PHF24: variants seen among roughly 807,000 people sequenced by gnomAD.
PHF24 encodes PHD finger protein 24, also known as Galpha inhibitory interacting protein.
PHF24 carries 25 observed loss-of-function variants against 42.6 expected under a neutral mutation model. The observed-to-expected ratio is 0.59, with a 90% CI of 0.43 to 0.82. The LOEUF (loss-of-function observed/expected upper bound fraction) is 0.82. PHF24 is among the 40% of genes least tolerant of loss of function. The probability of loss-of-function intolerance (pLI) is 0.00; values close to 1 mark genes in which losing one functional copy is unlikely to be tolerated. For missense variants in PHF24, 470 were observed against 538.1 expected (o/e 0.87, Z 1.25); for synonymous variants, 185 against 204.8 (o/e 0.90, Z 0.83).
the PHF24 span, among the ~76,000 whole-genome samples, chr9:34,760,461 G>A: frequency 3.9e-5 from 6 of 152,200 alleles, 1 homozygote; most frequent in Non-Finnish European, 8.8e-5. Context: ...TAGTTGCTGC[G>A]ACTCAGCGGC....
At chr9:34,822,551 G>A in the PHF24 span, among the ~76,000 whole-genome samples, 5 of 152,140 alleles carry the variant, frequency 3.3e-5, no homozygotes, top group East Asian at 3.9e-4. Context: ...TTCTCATTCC[G>A]TACTTCCAAG....
At chr9:34,832,941 G>A in the PHF24 span, 8 of 1,551,736 alleles carry the variant, frequency 5.2e-6, no homozygotes, top group Middle Eastern at 1.7e-4. Flanking sequence ...AGCTGTGGGA[G>A]CTTAAACTGA....
the PHF24 span, among the ~76,000 whole-genome samples, chr9:34,750,372 C>G: frequency 6.6e-6 from 1 of 151,948 alleles, no homozygotes; most frequent in East Asian, 1.9e-4. Context: ...TGCCTGTAGT[C>G]CCAGCTACTT....
the PHF24 span, among the ~76,000 whole-genome samples, chr9:34,856,769 A>G: frequency 1.8e-4 from 27 of 152,328 alleles, no homozygotes; most frequent in Admixed American, 1.5e-3. Context: ...GGGATCAGGG[A>G]CCTGCTTAAA....
chr9:34,928,035 G>A, the PHF24 span, among the ~76,000 whole-genome samples: 1 of 152,028 alleles, frequency 6.6e-6, no homozygotes, highest in Non-Finnish European at 1.5e-5. Context: ...GGCCAACATG[G>A]TGAAACCTTG....
At chr9:34,711,160 G>T in the PHF24 span, among the ~76,000 whole-genome samples, 1 of 151,986 alleles carries the variant, frequency 6.6e-6, no homozygotes, top group Middle Eastern at 3.4e-3. Context: ...CATTGACATA[G>T]ATTTATAATT....
the PHF24 span, among the ~76,000 whole-genome samples, chr9:34,772,525 G>T: frequency 1.7e-4 from 26 of 152,130 alleles, no homozygotes; most frequent in African/African-American, 5.8e-4. Context: ...TATAAAAAAT[G>T]ATTAAAGAAG....
chr9:34,977,574 A>G (rs778119176), exon 7 of PHF24: 1 of 1,609,928 alleles, frequency 6.2e-7, no homozygotes, highest in Non-Finnish European at 8.5e-7. Flanking sequence ...CATCGCAGAT[A>G]GCAGCCCAGC....
At chr9:34,721,984 T>A in the PHF24 span, among the ~76,000 whole-genome samples, 1 of 152,196 alleles carries the variant, frequency 6.6e-6, no homozygotes. Context: ...TACTTTCCAG[T>A]TTCTTAACAT....
chr9:34,793,899 A>AT, the PHF24 span, among the ~76,000 whole-genome samples: 1 of 150,026 alleles, frequency 6.7e-6, no homozygotes, highest in Non-Finnish European at 1.5e-5. Flanking sequence ...AACCCCTGTT[A>AT]TTTTTTTTCT....
chr9:34,831,487 C>T, the PHF24 span, among the ~76,000 whole-genome samples: 6 of 152,046 alleles, frequency 3.9e-5, no homozygotes, highest in Non-Finnish European at 7.4e-5. Flanking sequence ...GGTTCTTTCC[C>T]AGAAACTTCA....
the PHF24 span, among the ~76,000 whole-genome samples, chr9:34,669,698 G>A: frequency 6.6e-5 from 10 of 152,162 alleles, no homozygotes; most frequent in Non-Finnish European, 1.0e-4. Flanking sequence ...CATTTTCTAC[G>A]TTCAGAAACT....
the PHF24 span, among the ~76,000 whole-genome samples, chr9:34,850,189 C>A: frequency 6.9e-4 from 105 of 152,296 alleles, no homozygotes; most frequent in Non-Finnish European, 1.2e-4. Context: ...TAATATCCTG[C>A]AGAGTGTTTT....
At chr9:34,863,731 A>G in the PHF24 span, among the ~76,000 whole-genome samples, 4 of 152,222 alleles carry the variant, frequency 2.6e-5, no homozygotes, top group Non-Finnish European at 2.9e-5. Flanking sequence ...TTCAATACCG[A>G]GACACCAACA....
the PHF24 span, among the ~76,000 whole-genome samples, chr9:34,702,526 C>T: frequency 6.6e-6 from 1 of 152,234 alleles, no homozygotes; most frequent in South Asian, 2.1e-4. Context: ...TTTTAGTTTG[C>T]TGCCTACTGA....
At chr9:34,823,358 A>T in the PHF24 span, among the ~76,000 whole-genome samples, 1 of 152,066 alleles carries the variant, frequency 6.6e-6, no homozygotes, top group South Asian at 2.1e-4. Flanking sequence ...CTCTCCTAGA[A>T]TCCCAGTTTC....
At chr9:34,688,474 C>T in the PHF24 span, among the ~76,000 whole-genome samples, 1 of 152,200 alleles carries the variant, frequency 6.6e-6, no homozygotes, top group Non-Finnish European at 1.5e-5. Flanking sequence ...GGGGAGATGT[C>T]TCTGGTCTCA....
chr9:34,774,895 T>TTAA, the PHF24 span, among the ~76,000 whole-genome samples: 4 of 152,048 alleles, frequency 2.6e-5, no homozygotes, highest in East Asian at 7.7e-4. Context: ...ATGGCTAATA[T>TTAA]TAATAATAAT....
the PHF24 span, among the ~76,000 whole-genome samples, chr9:34,887,397 C>T: frequency 6.0e-4 from 91 of 152,184 alleles, no homozygotes; most frequent in Non-Finnish European, 1.2e-3. Flanking sequence ...AGCTTCCTTG[C>T]TGGCTTTCTA....
Sources: allele counts gnomAD v4.1 joint callset (sites outside exome capture counted in the v4.1 genomes callset), GRCh38; gene constraint gnomAD v4.1.1; transcripts MANE v1.5; gene names NCBI Gene and HGNC (gene_info 2026-07-23, HGNC 2026-07-21).